Variants in GALNT7 observed in about 807,000 individuals in gnomAD.
GALNT7 encodes polypeptide N-acetylgalactosaminyltransferase 7, also known as N-acetylgalactosaminyltransferase 7.
GALNT7 carries 60 observed loss-of-function variants against 82.1 expected under a neutral mutation model. The observed-to-expected ratio is 0.73, with a 90% CI of 0.59 to 0.91. The LOEUF (loss-of-function observed/expected upper bound fraction) is 0.91, where lower values mean the gene tolerates loss of function less well. Ranked by LOEUF, GALNT7 falls within the 40% of genes least tolerant of loss-of-function variation. The probability of loss-of-function intolerance (pLI) is 0.00; values close to 1 mark genes in which losing one functional copy is unlikely to be tolerated. For synonymous variants in GALNT7, 243 were observed against 275.1 expected (o/e 0.88, Z 1.15); for missense variants, 660 against 804.2 (o/e 0.82, Z 2.17).
At chr4:173,201,105 A>C (rs17059205) in intron 1 of GALNT7, among the ~76,000 whole-genome samples, 108,670 of 151,984 alleles carry the variant, frequency 0.72, 40,296 homozygotes, top group East Asian at 0.89. Flanking sequence ...TTTGCATTTA[A>C]CATTTATGTA....
At position 173,313,350 on chromosome 4, in the gene GALNT7, C is replaced by CT. The variant is rs1737461130; in HGVS notation, c.1390-606dup. On this transcript the variant is annotated intron_variant, in intron 8 of 11. Coordinates refer to ENST00000265000, the MANE Select transcript of GALNT7 (RefSeq NM_017423.3). ...TTGGGAGGCTGAGGTGGGAGGATCT[C>CT]TTGAGGCCAGGAGTTTGAGACCAGC... is the stretch of plus-strand genomic sequence containing the variant. 5.3e-5 allele frequency among the ~76,000 whole-genome samples: 8 copies of CT among 151,974 alleles called. No individual in the cohort carries two copies. The South Asian group carries it at 1.7e-3, about 32-fold the overall frequency.
chr4:173,249,728 T>C (rs1029663612), intron 2 of GALNT7, among the ~76,000 whole-genome samples: 10 of 152,224 alleles, frequency 6.6e-5, no homozygotes, highest in Middle Eastern at 3.2e-3. Context: ...TTAAAAATTT[T>C]TTTAAATTGG....
chr4:173,191,229 G>C (rs897542743), intron 1 of GALNT7, among the ~76,000 whole-genome samples: 1 of 147,572 alleles, frequency 6.8e-6, no homozygotes, highest in Non-Finnish European at 1.5e-5. Context: ...GGATGGGATG[G>C]GGGGGGTACT....
At chr4:173,245,513 AACATTTCCTTACCTC>A (rs1347669258) in intron 1 of GALNT7, among the ~76,000 whole-genome samples, 3 of 152,168 alleles carry the variant, frequency 2.0e-5, no homozygotes, top group Non-Finnish European at 4.4e-5. Context: ...TATATTTAAT[AACATTTCCTTACCTC>A]CCTGTTTACC....
At chr4:173,191,168 A>G (rs1450192036) in intron 1 of GALNT7, among the ~76,000 whole-genome samples, 1 of 152,168 alleles carries the variant, frequency 6.6e-6, no homozygotes, top group East Asian at 1.9e-4. Flanking sequence ...GGGATTATCA[A>G]AATTTGGAAG....
intron 1 of GALNT7, among the ~76,000 whole-genome samples, chr4:173,222,334 G>A (rs1210959532): frequency 6.6e-6 from 1 of 152,098 alleles, no homozygotes; most frequent in South Asian, 2.1e-4. Context: ...GTGCAATGAC[G>A]TGATGTCGGC....
chr4:173,312,499 C>T (rs1052775723), intron 8 of GALNT7, among the ~76,000 whole-genome samples: 74 of 152,326 alleles, frequency 4.9e-4, no homozygotes, highest in Middle Eastern at 3.4e-3. Context: ...CACCCCCTCA[C>T]CTCCATAGGA....
At chr4:173,288,282 C>CAAAAAAAAAAAAAAAA (rs70944442) in intron 2 of GALNT7, among the ~76,000 whole-genome samples, 38 of 62,960 alleles carry the variant, frequency 6.0e-4, no homozygotes, top group African/African-American at 2.2e-3. Flanking sequence ...GACTCCATCT[C>CAAAAAAAAAAAAAAAA]AAAAAAAAAA....
Position 173,283,500 on chromosome 4 carries a change from C to T in GALNT7, c.588-8608C>T, listed in dbSNP as rs182388905. ...ATGGAAAATACAAGAATTAGCTGGG[C>T]GTGGTGGCAGGCACCCATAATCCCG... On this transcript the variant is annotated intron_variant, in intron 2 of 11. Coordinates refer to ENST00000265000, the MANE Select transcript of GALNT7 (RefSeq NM_017423.3). Among the ~76,000 whole-genome samples, 565 of 152,122 alleles carry T rather than the reference C, an allele frequency of 3.7e-3. 4 individuals carry two copies. The highest frequency in any genetic ancestry group is 0.013 in the African/African-American group (546 of 41,504).
intron 1 of GALNT7, among the ~76,000 whole-genome samples, chr4:173,208,137 TC>T (rs1032246180): frequency 6.6e-6 from 1 of 152,096 alleles, no homozygotes; most frequent in African/African-American, 2.4e-5. Context: ...TATTAGTTAC[TC>T]CCCCCAGTTG....
chr4:173,239,342 T>G (rs1473925772), intron 1 of GALNT7, among the ~76,000 whole-genome samples: 2 of 152,216 alleles, frequency 1.3e-5, no homozygotes, highest in Non-Finnish European at 2.9e-5. Context: ...GAGCCACAGC[T>G]GGATGTTCTC....
intron 5 of GALNT7, among the ~76,000 whole-genome samples, chr4:173,296,239 G>A (rs946404532): frequency 1.3e-5 from 2 of 152,272 alleles, no homozygotes; most frequent in East Asian, 3.9e-4. Flanking sequence ...ACTTTCAATA[G>A]TAAAGACCAG....
chr4:173,218,240 T>G (rs1733533075), intron 1 of GALNT7, among the ~76,000 whole-genome samples: 1 of 152,168 alleles, frequency 6.6e-6, no homozygotes. Context: ...AAATAAGGCT[T>G]CTGATATAAA....
chr4:173,238,398 T>C (rs1734304056), intron 1 of GALNT7, among the ~76,000 whole-genome samples: 2 of 152,218 alleles, frequency 1.3e-5, no homozygotes, highest in African/African-American at 4.8e-5. Flanking sequence ...GCTTAGTTCC[T>C]AAACATGAAG....
intron 1 of GALNT7, among the ~76,000 whole-genome samples, chr4:173,240,132 C>T (rs1470010527): frequency 6.6e-6 from 1 of 152,048 alleles, no homozygotes; most frequent in South Asian, 2.1e-4. Context: ...AAATGTATAT[C>T]ATCTAAAGAA....
At chr4:173,317,382 T>C (rs1737642544) in intron 9 of GALNT7, 1 of 295,264 alleles carries the variant, frequency 3.4e-6, no homozygotes, top group Non-Finnish European at 6.4e-6. Context: ...ACTTTTTTTT[T>C]CTCTGTGGTA....
chr4:173,224,205 T>C (rs1434505784), intron 1 of GALNT7, among the ~76,000 whole-genome samples: 1 of 152,200 alleles, frequency 6.6e-6, no homozygotes, highest in Admixed American at 6.5e-5. Context: ...CAACTGTGGG[T>C]CGACTACAGT....
chr4:173,208,033 C>T (rs542528151), intron 1 of GALNT7, among the ~76,000 whole-genome samples: 2 of 151,934 alleles, frequency 1.3e-5, no homozygotes, highest in South Asian at 2.1e-4. Flanking sequence ...CTGTTTTTTA[C>T]CATTGATGTG....
At chr4:173,248,959 G>A (rs573800664) in intron 2 of GALNT7, among the ~76,000 whole-genome samples, 1 of 152,058 alleles carries the variant, frequency 6.6e-6, no homozygotes, top group South Asian at 2.1e-4. Flanking sequence ...ACTGAAACTG[G>A]AAATTGAAAC....
Sources: allele counts gnomAD v4.1 joint callset (sites outside exome capture counted in the v4.1 genomes callset), GRCh38; gene constraint gnomAD v4.1.1; transcripts MANE v1.5; gene names NCBI Gene and HGNC (gene_info 2026-07-23, HGNC 2026-07-21).